MAFG: variants seen among roughly 807,000 people sequenced by gnomAD.
MAFG encodes the protein MAF bZIP transcription factor G, also known as transcription factor MafG.
Under a neutral mutation model 12.2 loss-of-function variants are expected in MAFG, and 3 were observed. That is an observed-to-expected ratio of 0.25 (90% CI 0.11 to 0.64). The LOEUF (loss-of-function observed/expected upper bound fraction) is 0.64. MAFG is among the 30% of genes least tolerant of loss of function. The pLI, the probability that MAFG is intolerant of heterozygous loss-of-function variation, is 0.85. For missense variants in MAFG, 153 were observed against 235.5 expected (o/e 0.65, Z 2.29); for synonymous variants, 126 against 109.1 (o/e 1.15, Z -0.96).
rs2040875824 is a variant in MAFG at position 81,920,139 on chromosome 17, A to C, written c.*2466T>G. ...TTTCTTCATGGATACTTATGATATG[A>C]TTCCAACTAACGCCTGGATTCTACT... is the stretch of plus-strand genomic sequence containing the variant. On this transcript the variant is annotated 3_prime_UTR_variant, in exon 3 of 3. Transcript: ENST00000357736. 1 of 152,220 alleles carries C rather than the reference A, an allele frequency of 6.6e-6. No homozygotes were observed. The highest frequency in any genetic ancestry group is 1.5e-5 in the Non-Finnish European group (1 of 68,046). 9.4% of individuals were successfully genotyped at this position (152,220 alleles called of 1,614,324 possible). A position where few individuals can be genotyped will look rare whatever the true frequency, so the allele number is the denominator to read the frequency against.
rs1567916031 is a variant in MAFG at position 81,926,028 on chromosome 17, G to GTGTGT, written c.-30+1499_-30+1500insACACA. ...TGTGTGTGTGTGTGTGTGTGTGTGT[G>GTGTGT]GCGGGGGGCGGGGGGCATCCCTGAG... is the stretch of plus-strand genomic sequence containing the variant. On this transcript the variant is annotated intron_variant, in intron 1 of 2. Transcript: ENST00000357736. This position sits in a 1 kb window ranked among gnomAD's most constrained non-coding sequence, Gnocchi z 4.6. Among the ~76,000 whole-genome samples, 1 of 109,692 alleles carries GTGTGT rather than the reference G, an allele frequency of 9.1e-6. No homozygotes were observed. Among genetic ancestry groups the GTGTGT allele is most frequent in the African/African-American group, 3.2e-5 (1 of 31,054 alleles). 72.0% of individuals were successfully genotyped at this position (109,692 alleles called of 152,430 possible).
chr17:81,926,788 C>T lies in MAFG; in HGVS notation c.-30+740G>A, dbSNP rs2143829059. Among the ~76,000 whole-genome samples the T allele has an allele frequency of 6.6e-6, 1 of 152,252 alleles. No individual in the cohort carries two copies. Among genetic ancestry groups the T allele is most frequent in the Non-Finnish European group, 1.5e-5 (1 of 67,984 alleles). ...ACCCCCACTTCCTCTTCAAGCACCC[C>T]TGCCTTCAACTGGATCGCTCGGCGC... On this transcript the variant is annotated intron_variant, in intron 1 of 2. Transcript: ENST00000357736. This position sits in a 1 kb window ranked among gnomAD's most constrained non-coding sequence, Gnocchi z 4.6.
chr17:81,927,569 G>T lies in MAFG; in HGVS notation c.-71C>A, dbSNP rs1227114634. The T allele has an allele frequency of 6.9e-6, 1 of 145,768 alleles. No homozygotes were observed. The highest frequency in any genetic ancestry group is 1.5e-5 in the Non-Finnish European group (1 of 65,544). 9.0% of individuals were successfully genotyped at this position (145,768 alleles called of 1,614,324 possible). On this transcript the variant is annotated 5_prime_UTR_variant, in exon 1 of 3. Coordinates refer to ENST00000357736, the MANE Select transcript of MAFG (RefSeq NM_002359.4). Reference sequence around the variant, plus strand: ...CGGGCCGAGGCCGGGGCGGGGCGGGGCCGCGCGCGCTCCGAGGCCGCGCGG... The same window carrying T: ...CGGGCCGAGGCCGGGGCGGGGCGGGTCCGCGCGCGCTCCGAGGCCGCGCGG...
upstream of MAFG, among the ~76,000 whole-genome samples, chr17:81,928,804 G>C (rs1209575500): frequency 6.6e-6 from 1 of 152,252 alleles, no homozygotes; most frequent in Non-Finnish European, 1.5e-5. This position sits in a 1 kb window ranked among gnomAD's most constrained non-coding sequence, Gnocchi z 8.1. Context: ...CAGGAGTGCA[G>C]CTCCGTCTCC....
Position 81,919,225 on chromosome 17 carries a change from G to C in MAFG, c.*3380C>G, listed in dbSNP as rs2040861903. On this transcript the variant is annotated 3_prime_UTR_variant, in exon 3 of 3. Transcript: ENST00000357736. ...ATCCCAGAGCGGAAACGGTGCAGCA[G>C]GCTGCGGCTCCGACTTTCCAGATGT... 1 of 152,306 alleles carries C rather than the reference G, an allele frequency of 6.6e-6. No individual in the cohort carries two copies. The highest frequency in any genetic ancestry group is 1.5e-5 in the Non-Finnish European group (1 of 68,056). The allele number at this position is 152,306 out of a possible 1,614,324, so 9.4% of individuals were successfully genotyped here.
chr17:81,924,207 T>C lies in MAFG; in HGVS notation c.-29-993A>G, dbSNP rs552443306. The C allele has an allele frequency of 1.8e-4, 28 of 152,414 alleles. No homozygotes were observed. The highest frequency in any genetic ancestry group is 6.3e-4 in the African/African-American group (26 of 41,590). The allele number at this position is 152,414 out of a possible 1,614,324, so 9.4% of individuals were successfully genotyped here. A position where few individuals can be genotyped will look rare whatever the true frequency, so the allele number is the denominator to read the frequency against. ...GAGCTGCAGCCTGCTCTCTGGTCCC[T>C]GCCCCGGGTGAGTGCCCACAGGGCC... On this transcript the variant is annotated intron_variant, in intron 1 of 2. Coordinates refer to ENST00000357736, the MANE Select transcript of MAFG (RefSeq NM_002359.4). This position sits in a 1 kb window ranked among gnomAD's most constrained non-coding sequence, Gnocchi z 4.7.
rs1455659904 is a variant in MAFG at position 81,924,032 on chromosome 17, G to C, written c.-29-818C>G. On this transcript the variant is annotated intron_variant, in intron 1 of 2. Coordinates refer to ENST00000357736, the MANE Select transcript of MAFG (RefSeq NM_002359.4). The surrounding 1 kb of genome is among the most constrained non-coding windows in gnomAD (Gnocchi z 4.7). ...CGAGGCCCCTCTAGACCTCCCAGTC[G>C]GCCTCCTCCACTGATGGAGTAACCA... 6.6e-6 allele frequency: 1 copy of C among 152,242 alleles called. No individual in the cohort carries two copies. Among genetic ancestry groups the C allele is most frequent in the Admixed American group, 6.5e-5 (1 of 15,288 alleles). 9.4% of individuals were successfully genotyped at this position (152,242 alleles called of 1,614,324 possible).
intron 1 of MAFG, 48 bp downstream of exon 1, chr17:81,927,480 C>T (rs1168906650): frequency 6.8e-6 from 1 of 147,270 alleles, no homozygotes; most frequent in Non-Finnish European, 1.5e-5. Context: ...CCGCCGCCCC[C>T]GCCGCGCCGC....
At chr17:81,925,004 T>A (rs144877365) in intron 1 of MAFG, among the ~76,000 whole-genome samples, 2 of 152,134 alleles carry the variant, frequency 1.3e-5, no homozygotes, top group African/African-American at 4.8e-5. Context: ...AGCCATCGCC[T>A]CCTATCAAAG....
At position 81,922,483 on chromosome 17, in the gene MAFG, G is replaced by T; in HGVS notation, c.*122C>A. ...TGGGGTACAGGTTGTGCTTTGCAGGGAAGAGAGAAGGGTGGGGAAGAGAGG... is the reference window on the plus strand; with the variant it reads ...TGGGGTACAGGTTGTGCTTTGCAGGTAAGAGAGAAGGGTGGGGAAGAGAGG... On this transcript the variant is annotated 3_prime_UTR_variant, in exon 3 of 3. Coordinates refer to ENST00000357736, the MANE Select transcript of MAFG (RefSeq NM_002359.4). 1.3e-6 allele frequency: 1 copy of T among 786,312 alleles called. No individual in the cohort carries two copies. The highest frequency in any genetic ancestry group is 1.9e-6 in the Non-Finnish European group (1 of 532,500). The allele number at this position is 786,312 out of a possible 1,614,324, so 48.7% of individuals were successfully genotyped here. A position where few individuals can be genotyped will look rare whatever the true frequency, so the allele number is the denominator to read the frequency against.
chr17:81,927,304 C>T (rs908629633), intron 1 of MAFG, among the ~76,000 whole-genome samples: 3 of 150,772 alleles, frequency 2.0e-5, no homozygotes, highest in African/African-American at 4.9e-5. Flanking sequence ...ACCTCCAGTA[C>T]CCGGGCGCCA....
rs2040870800 is a variant in MAFG at position 81,919,819 on chromosome 17, G to C, written c.*2786C>G. 3 of 152,394 alleles carry C rather than the reference G, an allele frequency of 2.0e-5. No individual in the cohort carries two copies. Among genetic ancestry groups the C allele is most frequent in the Admixed American group, 2.0e-4 (3 of 15,302 alleles). The allele number at this position is 152,394 out of a possible 1,614,324, so 9.4% of individuals were successfully genotyped here. A position where few individuals can be genotyped will look rare whatever the true frequency, so the allele number is the denominator to read the frequency against. ...GTGGCTCCGCAGGGCTGACCTGACAGGGGACAGGAACACTCCCCTAGACCC... is the reference window on the plus strand; with the variant it reads ...GTGGCTCCGCAGGGCTGACCTGACACGGGACAGGAACACTCCCCTAGACCC... On this transcript the variant is annotated 3_prime_UTR_variant, in exon 3 of 3. Transcript: ENST00000357736.
rs1041038496 is a variant in MAFG at position 81,920,382 on chromosome 17, T to C, written c.*2223A>G. On this transcript the variant is annotated 3_prime_UTR_variant, in exon 3 of 3. Transcript: ENST00000357736. ...AAACTATTGGATAAAAATCCCACCATCCATAGGGTTAAGCCCTGTTGGGCC... is the reference window on the plus strand; with the variant it reads ...AAACTATTGGATAAAAATCCCACCACCCATAGGGTTAAGCCCTGTTGGGCC... The C allele has an allele frequency of 6.6e-6, 1 of 152,188 alleles. No homozygotes were observed. The highest frequency in any genetic ancestry group is 1.5e-5 in the Non-Finnish European group (1 of 68,034). 9.4% of individuals were successfully genotyped at this position (152,188 alleles called of 1,614,324 possible).
At position 81,922,428 on chromosome 17, in the gene MAFG, C is replaced by CTA; in HGVS notation, c.*176_*177insTA. On this transcript the variant is annotated 3_prime_UTR_variant, in exon 3 of 3. Coordinates refer to ENST00000357736, the MANE Select transcript of MAFG (RefSeq NM_002359.4). The stretch of plus-strand genomic sequence containing the variant: ...CATACAAAACACACGACGACAATGA[C>CTA]GAGATCAAAGGGGCTCAGCCCGGCG... 1.0e-5 allele frequency: 5 copies of CTA among 496,656 alleles called. No individual in the cohort carries two copies. The highest frequency in any genetic ancestry group is 7.9e-5 in the Admixed American group (2 of 25,296). 30.8% of individuals were successfully genotyped at this position (496,656 alleles called of 1,614,324 possible). A position where few individuals can be genotyped will look rare whatever the true frequency, so the allele number is the denominator to read the frequency against.
At position 81,920,212 on chromosome 17, in the gene MAFG, A is replaced by G. The variant is rs1221825130; in HGVS notation, c.*2393T>C. ...AGGGGGATGAAGTCACTAAATGACA[A>G]GAGTCAACAGCCAATATTTCCATTT... On this transcript the variant is annotated 3_prime_UTR_variant, in exon 3 of 3. Transcript: ENST00000357736. The G allele has an allele frequency of 6.6e-6, 1 of 152,252 alleles. No individual in the cohort carries two copies. Among genetic ancestry groups the G allele is most frequent in the African/African-American group, 2.4e-5 (1 of 41,460 alleles). The allele number at this position is 152,252 out of a possible 1,614,324, so 9.4% of individuals were successfully genotyped here. A position where few individuals can be genotyped will look rare whatever the true frequency, so the allele number is the denominator to read the frequency against.
chr17:81,931,229 T>G (rs1853143116), upstream of MAFG, among the ~76,000 whole-genome samples: 1 of 152,212 alleles, frequency 6.6e-6, no homozygotes, highest in South Asian at 2.1e-4. Flanking sequence ...CACCTCCCTG[T>G]GCTTCCTCTG....
rs762755496 is a variant in MAFG, at chr17:81,922,597, G to T, written c.*8C>A. ...CCCGCAAAGACCCGCCTGGGCAGAC[G>T]CGCGTCCCTACGATCGGGCATCCGT... is the stretch of plus-strand genomic sequence containing the variant. On this transcript the variant is annotated 3_prime_UTR_variant, in exon 3 of 3. Coordinates refer to ENST00000357736, the MANE Select transcript of MAFG (RefSeq NM_002359.4). 1.4e-6 allele frequency: 2 copies of T among 1,457,220 alleles called. No homozygotes were observed. Among genetic ancestry groups the T allele is most frequent in the Non-Finnish European group, 1.8e-6 (2 of 1,106,904 alleles). The allele number at this position is 1,457,220 out of a possible 1,614,324, so 90.3% of individuals were successfully genotyped here.
At chr17:81,929,117 C>G (rs1393584533), upstream of MAFG, among the ~76,000 whole-genome samples, 1 of 152,254 alleles carries the variant, frequency 6.6e-6, no homozygotes, top group African/African-American at 2.4e-5. The surrounding 1 kb of genome is among the most constrained non-coding windows in gnomAD (Gnocchi z 5.7). Context: ...CCACTCACTC[C>G]CACACCCCAA....
chr17:81,923,400 T>G (rs1457757476), intron 1 of MAFG, 186 bp from the exon 2 acceptor site: 3 of 479,414 alleles, frequency 6.3e-6, no homozygotes, highest in African/African-American at 6.0e-5. Context: ...CTGAGCTGCT[T>G]CCTGTCCACC....
Sources: allele counts gnomAD v4.1 joint callset (sites outside exome capture counted in the v4.1 genomes callset), GRCh38; gene constraint gnomAD v4.1.1; non-coding constraint Gnocchi (gnomAD v3.1); transcripts MANE v1.5; gene names NCBI Gene and HGNC (gene_info 2026-07-23, HGNC 2026-07-21).